The following RABGAP1L variants were observed in gnomAD, a reference collection of about 807,000 sequenced individuals.
RABGAP1L encodes rab GTPase-activating protein 1-like.
Under a neutral mutation model 137.7 loss-of-function variants are expected in RABGAP1L, and 63 were observed. The ratio of observed to expected loss-of-function variants is 0.46; its 90% CI spans 0.37 to 0.56. The LOEUF is 0.56. RABGAP1L is among the 20% of genes least tolerant of loss of function. RABGAP1L has a pLI of 0.00. For synonymous variants in RABGAP1L, 431 were observed against 433.7 expected (o/e 0.99, Z 0.08); for missense variants, 1,095 against 1,244.0 (o/e 0.88, Z 1.80).
chr1:174,291,690 T>C (rs1676621649), intron 10 of RABGAP1L, among the ~76,000 whole-genome samples: 1 of 152,174 alleles, frequency 6.6e-6, no homozygotes, highest in Non-Finnish European at 1.5e-5. Flanking sequence ...ATGTTGGTGA[T>C]TTGTCTTTCA....
intron 13 of RABGAP1L, among the ~76,000 whole-genome samples, chr1:174,595,627 G>T (rs1420684220): frequency 6.7e-6 from 1 of 150,204 alleles, no homozygotes; most frequent in African/African-American, 2.5e-5. Flanking sequence ...TGAGGTGTCA[G>T]TGTGCCCCTG....
intron 13 of RABGAP1L, among the ~76,000 whole-genome samples, chr1:174,452,095 C>T (rs972410234): frequency 1.3e-5 from 2 of 152,092 alleles, no homozygotes; most frequent in Non-Finnish European, 2.9e-5. Flanking sequence ...GTATAATAAG[C>T]TAATCCTTAT....
intron 21 of RABGAP1L, 54 bp from the exon 22 acceptor site, chr1:174,976,020 ACTTT>A: frequency 7.0e-7 from 1 of 1,430,850 alleles, no homozygotes; most frequent in Non-Finnish European, 9.6e-7. Flanking sequence ...ATTTCCACAC[ACTTT>A]CTTTACCCTC....
chr1:174,989,699 A>C (rs1671918941), intron 25 of RABGAP1L, 150 bp from the exon 26 acceptor site: 1 of 743,720 alleles, frequency 1.3e-6, no homozygotes, highest in Admixed American at 3.0e-5. Flanking sequence ...TTATCCTTGT[A>C]CTAAGAAGCC....
intron 13 of RABGAP1L, among the ~76,000 whole-genome samples, chr1:174,506,305 C>T (rs532214483): frequency 2.6e-5 from 4 of 152,272 alleles, no homozygotes; most frequent in African/African-American, 9.6e-5. Flanking sequence ...TCTATAGCCA[C>T]TCTGGTGCTA....
At chr1:174,678,512 A>G (rs566745397) in intron 14 of RABGAP1L, among the ~76,000 whole-genome samples, 1 of 152,370 alleles carries the variant, frequency 6.6e-6, no homozygotes, top group South Asian at 2.1e-4. Context: ...AATATAAAGG[A>G]TAATAACTCT....
intron 12 of RABGAP1L, among the ~76,000 whole-genome samples, chr1:174,378,726 T>A (rs1412638166): frequency 1.3e-5 from 2 of 150,950 alleles, no homozygotes; most frequent in Non-Finnish European, 3.0e-5. Flanking sequence ...TTTTCTCCCA[T>A]TTTGTAGGTT....
intron 12 of RABGAP1L, among the ~76,000 whole-genome samples, chr1:174,383,610 C>G (rs769461915): frequency 6.6e-6 from 1 of 152,164 alleles, no homozygotes; most frequent in South Asian, 2.1e-4. Context: ...TGACCCCTTG[C>G]GCTTCCCAAG....
Position 174,957,482 on chromosome 1 carries a change from A to T in RABGAP1L, c.2366A>T (p.Tyr789Phe). The T allele has an allele frequency of 6.2e-7, 1 of 1,613,680 alleles. No homozygotes were observed. Among genetic ancestry groups the T allele is most frequent in the Non-Finnish European group, 8.5e-7 (1 of 1,179,590 alleles). ...GTACCAACCAAGAAGCTGAAGAAAT[A>T]TGAGAAAGAATATCAGACAATGCGA... ...IKVPTKKLKK[Y>F]EKEYQTMRES... The change falls in exon 20 of 26, where the codon TAT becomes TTT. Residue 789 changes from tyrosine to phenylalanine, a missense_variant. By Grantham distance (22) the Tyr-to-Phe change is conservative. Around this residue, in one of 4 missense-constraint regions of RABGAP1L, gnomAD observed 312 missense variants for 435.6 expected, o/e 0.72. Transcript: ENST00000681986.
chr1:174,226,781 TA>T (rs996005833), intron 3 of RABGAP1L, among the ~76,000 whole-genome samples: 3 of 151,796 alleles, frequency 2.0e-5, no homozygotes, highest in African/African-American at 7.3e-5. Flanking sequence ...CCTTTTTTTT[TA>T]AAAAAAATTT....
chr1:174,435,089 A>G (rs185518588), intron 13 of RABGAP1L, among the ~76,000 whole-genome samples: 35 of 152,302 alleles, frequency 2.3e-4, no homozygotes, highest in African/African-American at 7.5e-4. Context: ...TGGCATGACC[A>G]TAGCTCACTG....
intron 13 of RABGAP1L, among the ~76,000 whole-genome samples, chr1:174,450,142 A>T (rs900006202): frequency 3.3e-5 from 5 of 152,078 alleles, no homozygotes; most frequent in Non-Finnish European, 4.4e-5. Context: ...GTTTTTCTTT[A>T]AGAAAACCCA....
intron 1 of RABGAP1L, among the ~76,000 whole-genome samples, chr1:174,195,735 C>CTT (rs1558021791): frequency 8.6e-6 from 1 of 115,832 alleles, no homozygotes; most frequent in Non-Finnish European, 1.8e-5. Flanking sequence ...TCTTTCTTTT[C>CTT]TTTCTTTCTT....
chr1:174,498,894 G>A (rs538135495), intron 13 of RABGAP1L, among the ~76,000 whole-genome samples: 1 of 152,056 alleles, frequency 6.6e-6, no homozygotes, highest in Admixed American at 6.5e-5. Flanking sequence ...GTTATCTAGT[G>A]AAATAAATTT....
chr1:174,390,560 A>G (rs1170417296), intron 12 of RABGAP1L, among the ~76,000 whole-genome samples: 18 of 152,202 alleles, frequency 1.2e-4, no homozygotes, highest in Admixed American at 1.2e-3. Context: ...TATTTAATCA[A>G]GCTGCTTGTT....
At chr1:174,609,295 A>T (rs1231836074) in intron 13 of RABGAP1L, among the ~76,000 whole-genome samples, 2 of 152,202 alleles carry the variant, frequency 1.3e-5, no homozygotes, top group Non-Finnish European at 2.9e-5. Flanking sequence ...ATACTTAAGG[A>T]ATAAGTGAAG....
chr1:174,759,368 G>A (rs1295667873), intron 18 of RABGAP1L, among the ~76,000 whole-genome samples: 1 of 151,684 alleles, frequency 6.6e-6, no homozygotes, highest in Non-Finnish European at 1.5e-5. Flanking sequence ...GCCAAGGTGG[G>A]CGGATCACTG....
At chr1:174,800,621 G>A (rs1173838375) in intron 18 of RABGAP1L, 8 of 1,415,704 alleles carry the variant, frequency 5.7e-6, no homozygotes, top group East Asian at 2.5e-5. Context: ...CCATTCTGCC[G>A]AGAAGGAAAT....
intron 13 of RABGAP1L, among the ~76,000 whole-genome samples, chr1:174,619,774 A>G (rs903707711): frequency 2.6e-5 from 4 of 152,230 alleles, no homozygotes; most frequent in Admixed American, 6.5e-5. Context: ...GACAGGATCA[A>G]ATTCACAGAT....
Sources: allele counts gnomAD v4.1 joint callset (sites outside exome capture counted in the v4.1 genomes callset), GRCh38; gene constraint gnomAD v4.1.1; regional missense constraint gnomAD v4.1.1; transcripts MANE v1.5; gene names NCBI Gene and HGNC (gene_info 2026-07-23, HGNC 2026-07-21).